The following TMEM108 variants were observed in gnomAD, a reference collection of about 807,000 sequenced individuals.
TMEM108 encodes transmembrane protein 108.
In TMEM108, 12 loss-of-function variants were observed where a neutral mutation model predicts 35.1. That is an observed-to-expected ratio of 0.34 (90% CI 0.22 to 0.55). The LOEUF (loss-of-function observed/expected upper bound fraction) is 0.55, where lower values mean the gene tolerates loss of function less well. TMEM108 is among the 20% of genes least tolerant of loss of function. TMEM108 has a pLI of 0.89. For synonymous variants in TMEM108, 287 were observed against 308.6 expected (o/e 0.93, Z 0.73); for missense variants, 680 against 753.3 (o/e 0.90, Z 1.14).
chr3:133,227,535 G>A (rs1320154315), intron 2 of TMEM108, among the ~76,000 whole-genome samples: 1 of 151,428 alleles, frequency 6.6e-6, no homozygotes, highest in Non-Finnish European at 1.5e-5. Context: ...CTGTGAGGTA[G>A]GTAGAATTCT....
intron 3 of TMEM108, among the ~76,000 whole-genome samples, chr3:133,305,509 T>C (rs557921112): frequency 7.1e-6 from 1 of 141,600 alleles, no homozygotes; most frequent in East Asian, 2.2e-4. Flanking sequence ...AAATATAAAG[T>C]ATAATAAAAT....
At chr3:133,395,391 G>T (rs1329033247) in intron 5 of TMEM108, among the ~76,000 whole-genome samples, 1 of 152,188 alleles carries the variant, frequency 6.6e-6, no homozygotes, top group African/African-American at 2.4e-5. Flanking sequence ...AGGCGAGTGA[G>T]TCTAGGTGTA....
At chr3:133,188,795 G>A (rs1348278912) in intron 2 of TMEM108, among the ~76,000 whole-genome samples, 1 of 152,114 alleles carries the variant, frequency 6.6e-6, no homozygotes, top group African/African-American at 2.4e-5. Flanking sequence ...TTAACATCCT[G>A]GGCCCAATGC....
intron 3 of TMEM108, among the ~76,000 whole-genome samples, chr3:133,311,376 A>T (rs528816644): frequency 6.6e-6 from 1 of 152,150 alleles, no homozygotes; most frequent in Non-Finnish European, 1.5e-5. Context: ...GTCTTTTCAC[A>T]TAGTCCCATA....
At chr3:133,234,827 G>A (rs1282470383) in intron 3 of TMEM108, among the ~76,000 whole-genome samples, 1 of 152,178 alleles carries the variant, frequency 6.6e-6, no homozygotes, top group African/African-American at 2.4e-5. Flanking sequence ...GTTTGCAGAC[G>A]ACATGATTGT....
chr3:133,233,596 A>T (rs1255604702), intron 3 of TMEM108, among the ~76,000 whole-genome samples: 1 of 151,676 alleles, frequency 6.6e-6, no homozygotes, highest in Non-Finnish European at 1.5e-5. Context: ...CTAGTTCTAG[A>T]TCCCTGAGGA....
chr3:133,216,955 A>G (rs1945918163), intron 2 of TMEM108, among the ~76,000 whole-genome samples: 1 of 152,066 alleles, frequency 6.6e-6, no homozygotes, highest in South Asian at 2.1e-4. Context: ...CAGTAGTGGG[A>G]TTGATGGATT....
chr3:133,362,073 C>T (rs189627120), intron 3 of TMEM108, among the ~76,000 whole-genome samples: 4 of 152,252 alleles, frequency 2.6e-5, no homozygotes, highest in African/African-American at 9.6e-5. Context: ...AAACCTGATG[C>T]ACCTTTCAAT....
chr3:133,151,118 A>G (rs1643902997), intron 2 of TMEM108, among the ~76,000 whole-genome samples: 3 of 151,834 alleles, frequency 2.0e-5, no homozygotes, highest in Non-Finnish European at 4.4e-5. Context: ...GATATCTTTT[A>G]TGAACCCTGT....
At position 133,081,341 on chromosome 3, in the gene TMEM108, C is replaced by T. The variant is rs113389589; in HGVS notation, c.-47+35321C>T. Among the ~76,000 whole-genome samples the T allele has an allele frequency of 1.7e-3, 256 of 152,314 alleles. 2 individuals carry two copies. The highest frequency in any genetic ancestry group is 4.3e-3 in the African/African-American group (178 of 41,562). ...GCCACCTCCTTGACGTGTTCTCACA[C>T]GGCAGAAAGGGAAAGAATAAGCACT... On this transcript the variant is annotated intron_variant, in intron 2 of 5. Coordinates refer to ENST00000321871, the MANE Select transcript of TMEM108 (RefSeq NM_023943.4).
At chr3:133,193,062 T>C (rs567359944) in intron 2 of TMEM108, among the ~76,000 whole-genome samples, 92 of 152,234 alleles carry the variant, frequency 6.0e-4, no homozygotes, top group Non-Finnish European at 7.5e-4. Flanking sequence ...ATTCTTAAAC[T>C]AGGAGAGAAG....
intron 2 of TMEM108, among the ~76,000 whole-genome samples, chr3:133,080,996 G>A (rs1297626752): frequency 2.6e-5 from 4 of 152,150 alleles, no homozygotes; most frequent in Admixed American, 2.6e-4. Context: ...GACCAGATGG[G>A]TGATCTTGGG....
At chr3:133,336,363 T>G (rs1239760422) in intron 3 of TMEM108, among the ~76,000 whole-genome samples, 3 of 152,084 alleles carry the variant, frequency 2.0e-5, no homozygotes, top group Non-Finnish European at 2.9e-5. Context: ...AGGGAAGAGT[T>G]AAGAGAACTT....
chr3:133,205,625 T>G (rs1945741557), intron 2 of TMEM108, among the ~76,000 whole-genome samples: 1 of 152,190 alleles, frequency 6.6e-6, no homozygotes, highest in East Asian at 1.9e-4. Context: ...TGAATATTGA[T>G]CCCCACTCTC....
rs1217430363 is a variant in TMEM108 at position 133,346,173 on chromosome 3, C to T, written c.41-33579C>T. Among the ~76,000 whole-genome samples, 1 of 151,952 alleles carries T rather than the reference C, an allele frequency of 6.6e-6. No homozygotes were observed. Among genetic ancestry groups the T allele is most frequent in the Non-Finnish European group, 1.5e-5 (1 of 67,878 alleles). On this transcript the variant is annotated intron_variant, in intron 3 of 5. Coordinates refer to ENST00000321871, the MANE Select transcript of TMEM108 (RefSeq NM_023943.4). The surrounding 1 kb of genome is among the most constrained non-coding windows in gnomAD (Gnocchi z 4.0). ...ATACCTAGGAGCACAATTACTAGAT[C>T]ATACAGTAAGACTATGATTAACTTT...
chr3:133,366,614 C>T (rs1234953762), intron 3 of TMEM108, among the ~76,000 whole-genome samples: 1 of 152,144 alleles, frequency 6.6e-6, no homozygotes, highest in Non-Finnish European at 1.5e-5. Context: ...TTGACATGGA[C>T]AAATGGTGTT....
At chr3:133,069,662 A>G (rs1943652760) in intron 2 of TMEM108, among the ~76,000 whole-genome samples, 2 of 152,116 alleles carry the variant, frequency 1.3e-5, no homozygotes, top group Admixed American at 1.3e-4. Context: ...TAGTGGCATC[A>G]TGTGATACTC....
intron 2 of TMEM108, among the ~76,000 whole-genome samples, chr3:133,186,276 A>G (rs977938584): frequency 1.3e-5 from 2 of 152,240 alleles, no homozygotes; most frequent in African/African-American, 2.4e-5. Context: ...TTTGTGACAC[A>G]TTCTTGAATC....
chr3:133,158,931 G>A (rs1243929391), intron 2 of TMEM108, among the ~76,000 whole-genome samples: 1 of 151,920 alleles, frequency 6.6e-6, no homozygotes, highest in Non-Finnish European at 1.5e-5. Flanking sequence ...TAACAGCTCA[G>A]GCCATGTATA....
Sources: gnomAD v4.1 joint callset for allele counts (sites outside exome capture counted in the v4.1 genomes callset) on GRCh38, gnomAD v4.1.1 for gene constraint, Gnocchi (gnomAD v3.1) non-coding constraint, MANE v1.5 for transcripts, NCBI Gene and HGNC (gene_info 2026-07-23, HGNC 2026-07-21) for gene names.